The following RALGAPB variants were observed in gnomAD, a reference collection of about 807,000 sequenced individuals.
RALGAPB encodes the protein Ral GTPase activating protein non-catalytic subunit beta.
In RALGAPB, 25 loss-of-function variants were observed where a neutral mutation model predicts 161.1. The observed-to-expected ratio is 0.16, with a 90% CI of 0.11 to 0.22. RALGAPB has a LOEUF of 0.22. Among genes scored for constraint, RALGAPB ranks in the 10% least tolerant of loss-of-function variants. The pLI is 1.00. For synonymous variants in RALGAPB, 629 were observed against 626.1 expected, an observed-to-expected ratio of 1.00 and a Z score of -0.07; for missense variants, 1,391 against 1,815.2, an observed-to-expected ratio of 0.77 and a Z score of 4.25.
chr20:38,569,994 T>C lies in RALGAPB; in HGVS notation c.4061T>C (p.Ile1354Thr), dbSNP rs2088171843. ...SVVWVERYDD[I>T]ENFPLSELMT... ...GTCTGGGTGGAACGCTATGATGATA[T>C]AGGTACTGTATGAGGACTTTGTCCA... is the stretch of plus-strand genomic sequence containing the variant. The change falls in exon 27 of 30, where the codon ATA becomes ACA. Residue 1354 changes from isoleucine to threonine, a missense_variant and splice_region_variant. By Grantham distance (89) the Ile-to-Thr change is moderately conservative. Coordinates refer to ENST00000262879, the MANE Select transcript of RALGAPB (RefSeq NM_020336.4). 4 of 1,604,994 alleles carry C rather than the reference T, an allele frequency of 2.5e-6. No homozygotes were observed. Among genetic ancestry groups the C allele is most frequent in the East Asian group, 2.2e-5 (1 of 44,848 alleles).
rs1305234133 is a variant in RALGAPB at position 38,565,477 on chromosome 20, A to G, written c.3816A>G (p.Leu1272=). ...TGGTTCCTTCTCCTGTGGAGTCCTT[A>G]AGTAAGATGATTTTTGCATGGTCCT... is the stretch of plus-strand genomic sequence containing the variant. ...AFVVPSPVES[L]TDSLESNISD... The change falls in exon 25 of 30, where the codon TTA becomes TTG. Residue 1272 remains leucine, a splice_region_variant and synonymous_variant. Transcript: ENST00000262879. The G allele has an allele frequency of 1.9e-6, 3 of 1,612,874 alleles. No homozygotes were observed. In the Admixed American group the frequency reaches 5.0e-5, roughly 27 times the overall value.
At chr20:38,473,114 C>T in intron 1 of RALGAPB, 45 bp downstream of exon 1, 2 of 339,678 alleles carry the variant, frequency 5.9e-6, no homozygotes, top group Non-Finnish European at 5.3e-6. Flanking sequence ...CTCCCCTCTC[C>T]TTCCCTCTCT....
intron 29 of RALGAPB, 152 bp downstream of exon 29, chr20:38,574,450 C>T (rs1035884288): frequency 6.2e-6 from 6 of 970,420 alleles, no homozygotes; most frequent in Admixed American, 3.1e-5. Context: ...GAGCATGTTT[C>T]GTTCTTTTTA....
chr20:38,522,642 T>C (rs1045061389), intron 10 of RALGAPB, among the ~76,000 whole-genome samples: 1 of 152,142 alleles, frequency 6.6e-6, no homozygotes, highest in Non-Finnish European at 1.5e-5. Context: ...TCTCAGGAGA[T>C]AGAATTAAAC....
chr20:38,522,997 A>C (rs2086336900), intron 10 of RALGAPB, among the ~76,000 whole-genome samples: 1 of 152,030 alleles, frequency 6.6e-6, no homozygotes, highest in Non-Finnish European at 1.5e-5. Context: ...CTGAGTTCCC[A>C]GTTTTCATTA....
chr20:38,573,938 A>G (rs1026379868), intron 28 of RALGAPB: 12 of 370,834 alleles, frequency 3.2e-5, no homozygotes, highest in Non-Finnish European at 5.3e-5. Flanking sequence ...TGACCCAGTA[A>G]TGGACCTTTA....
In RALGAPB at chr20:38,577,874, G is replaced by T. The variant is rs6026624; in HGVS notation, c.*2907G>T. ...TACCTGCTGCAGGTTCTGTGTATGA[G>T]GCCTTCATGAACGGTTACCTTCTCC... On this transcript the variant is annotated 3_prime_UTR_variant, in exon 30 of 30. Transcript: ENST00000262879. 6.6e-6 allele frequency: 1 copy of T among 152,118 alleles called. No homozygotes were observed. Among genetic ancestry groups the T allele is most frequent in the Non-Finnish European group, 1.5e-5 (1 of 68,064 alleles). The allele number at this position is 152,118 out of a possible 1,614,324, so 9.4% of individuals were successfully genotyped here.
intron 20 of RALGAPB, among the ~76,000 whole-genome samples, chr20:38,549,815 G>A (rs1401128225): frequency 6.6e-6 from 1 of 151,886 alleles, no homozygotes; most frequent in Non-Finnish European, 1.5e-5. Context: ...AATAACACTT[G>A]AATAGAATTT....
chr20:38,484,723 C>G lies in RALGAPB; in HGVS notation c.-30-3680C>G, dbSNP rs949356711. ...AATAGCTGTAAACAGAGCTTGTATACTAGCTCTTGTTGCCCAGGCTGGAGT... is the reference window on the plus strand; with the variant it reads ...AATAGCTGTAAACAGAGCTTGTATAGTAGCTCTTGTTGCCCAGGCTGGAGT... On this transcript the variant is annotated intron_variant, in intron 1 of 29. Transcript: ENST00000262879. Among the ~76,000 whole-genome samples the G allele has an allele frequency of 1.8e-4, 28 of 152,098 alleles. 1 individual carries two copies. The highest frequency in any genetic ancestry group is 6.6e-4 in the Admixed American group (10 of 15,262).
At chr20:38,482,488 CG>C (rs1442674881) in intron 1 of RALGAPB, among the ~76,000 whole-genome samples, 2 of 134,282 alleles carry the variant, frequency 1.5e-5, no homozygotes, top group Non-Finnish European at 3.1e-5. Flanking sequence ...AGTGCAGTGG[CG>C]CCATCTCGGC....
At chr20:38,567,267 G>A (rs1018846262) in intron 26 of RALGAPB, 35 bp downstream of exon 26, 1 of 1,599,904 alleles carries the variant, frequency 6.3e-7, no homozygotes, top group Non-Finnish European at 8.5e-7. Context: ...CCAAAATTTT[G>A]TAGTGAAATC....
intron 4 of RALGAPB, among the ~76,000 whole-genome samples, chr20:38,498,794 A>G (rs141190634): frequency 1.3e-3 from 199 of 152,306 alleles, no homozygotes; most frequent in Middle Eastern, 3.4e-3. Context: ...TTTCATGGTT[A>G]AGGCTCTGTC....
chr20:38,525,056 A>G, intron 11 of RALGAPB, 111 bp downstream of exon 11: 1 of 1,095,216 alleles, frequency 9.1e-7, no homozygotes, highest in Non-Finnish European at 1.3e-6. Flanking sequence ...ATAGTCCAAG[A>G]GAACTCAGGC....
Position 38,575,060 on chromosome 20 carries a change from A to G in RALGAPB, c.*93A>G. ...GTGATCACTGTAAAAATAAAAACAA[A>G]TCACTCCCAAGAGCTTACTGTTTAA... is the stretch of plus-strand genomic sequence containing the variant. On this transcript the variant is annotated 3_prime_UTR_variant, in exon 30 of 30. Transcript: ENST00000262879. 1 of 1,065,538 alleles carries G rather than the reference A, an allele frequency of 9.4e-7. No individual in the cohort carries two copies. Among genetic ancestry groups the G allele is most frequent in the South Asian group, 1.4e-5 (1 of 71,728 alleles). The allele number at this position is 1,065,538 out of a possible 1,614,324, so 66.0% of individuals were successfully genotyped here.
intron 1 of RALGAPB, among the ~76,000 whole-genome samples, chr20:38,474,711 A>C (rs2084755039): frequency 6.6e-6 from 1 of 152,152 alleles, no homozygotes; most frequent in Admixed American, 6.5e-5. Flanking sequence ...GAAACTTATC[A>C]GTTATTTTTC....
At position 38,509,143 on chromosome 20, in the gene RALGAPB, G is replaced by C. The variant is rs774947591; in HGVS notation, c.807G>C (p.Leu269=). ...AAGTTCCCGATGAAGATGCCAGTCTGATCCCTCCAGAAATGGATAATGAGT... is the reference window on the plus strand; with the variant it reads ...AAGTTCCCGATGAAGATGCCAGTCTCATCCCTCCAGAAATGGATAATGAGT... The part of the protein sequence containing the change: ...AFKVPDEDAS[L]IPPEMDNECV... The change falls in exon 6 of 30, where the codon CTG becomes CTC. Residue 269 remains leucine (L), a synonymous_variant. Transcript: ENST00000262879. 3 of 1,613,462 alleles carry C rather than the reference G, an allele frequency of 1.9e-6. No individual in the cohort carries two copies. The highest frequency in any genetic ancestry group is 3.3e-5 in the Admixed American group (2 of 60,026).
chr20:38,548,841 T>C, intron 20 of RALGAPB, 46 bp downstream of exon 20: 1 of 1,479,250 alleles, frequency 6.8e-7, no homozygotes. Context: ...TTTTGTAATT[T>C]AAAGGTTAGG....
At chr20:38,544,810 TATATA>T (rs2087107055) in intron 18 of RALGAPB, among the ~76,000 whole-genome samples, 1 of 152,200 alleles carries the variant, frequency 6.6e-6, no homozygotes, top group East Asian at 1.9e-4. Flanking sequence ...CTTTAAACTC[TATATA>T]ATACTACATT....
chr20:38,546,573 A>C, intron 19 of RALGAPB, 143 bp downstream of exon 19: 5 of 1,140,014 alleles, frequency 4.4e-6, no homozygotes, highest in Non-Finnish European at 6.2e-6. Context: ...ATAGCACCTG[A>C]AAAATAGGGG....
Sources: allele counts gnomAD v4.1 joint callset (sites outside exome capture counted in the v4.1 genomes callset), GRCh38; gene constraint gnomAD v4.1.1; transcripts MANE v1.5; gene names NCBI Gene and HGNC (gene_info 2026-07-23, HGNC 2026-07-21).